Variants in NINJ2 observed in about 807,000 individuals in gnomAD.
The protein encoded by NINJ2 is ninjurin 2.
In NINJ2, 12 loss-of-function variants were observed where a neutral mutation model predicts 11.7. The ratio of observed to expected loss-of-function variants is 1.02; its 90% CI spans 0.66 to 1.66. The LOEUF (loss-of-function observed/expected upper bound fraction) is 1.66. NINJ2 is among the 40% of genes most tolerant of loss of function. NINJ2 has a pLI of 0.00. For synonymous variants in NINJ2, 93 were observed against 76.8 expected (o/e 1.21, Z -1.10); for missense variants, 187 against 181.8 (o/e 1.03, Z -0.16).
intron 1 of NINJ2, among the ~76,000 whole-genome samples, chr12:656,531 A>G (rs1052416638): frequency 2.0e-5 from 3 of 151,900 alleles, no homozygotes; most frequent in African/African-American, 7.3e-5. Flanking sequence ...CTGGTGGATC[A>G]CAAGTTCAGG....
In NINJ2 at chr12:633,574, G is replaced by C. The variant is rs1948308774; in HGVS notation, c.33+29754C>G. ...CCCATGCCCGTAATCCCAGCACTTT[G>C]GGAGGCTGAGGCAGGCAGATCACTT... On this transcript the variant is annotated intron_variant, in intron 1 of 3. Coordinates refer to ENST00000305108, the MANE Select transcript of NINJ2 (RefSeq NM_016533.6). The surrounding 1 kb of genome is among the most constrained non-coding windows in gnomAD (Gnocchi z 4.3). Among the ~76,000 whole-genome samples, 1 of 152,160 alleles carries C rather than the reference G, an allele frequency of 6.6e-6. No homozygotes were observed. Among genetic ancestry groups the C allele is most frequent in the South Asian group, 2.1e-4 (1 of 4,836 alleles).
intron 1 of NINJ2, among the ~76,000 whole-genome samples, chr12:638,130 G>A (rs1443328135): frequency 6.6e-6 from 1 of 152,216 alleles, no homozygotes; most frequent in Non-Finnish European, 1.5e-5. Flanking sequence ...CACATGCTAA[G>A]CCAGTTGCAG....
chr12:594,315 T>G (rs2120882604), intron 1 of NINJ2, among the ~76,000 whole-genome samples: 1 of 152,326 alleles, frequency 6.6e-6, no homozygotes, highest in Admixed American at 6.5e-5. Context: ...AATGAATAAG[T>G]GGAATCTGAA....
At position 663,438 on chromosome 12, in the gene NINJ2, G is replaced by A; in HGVS notation, c.-78C>T. 5 of 1,613,976 alleles carry A rather than the reference G, an allele frequency of 3.1e-6. No homozygotes were observed. The highest frequency in any genetic ancestry group is 4.2e-6 in the Non-Finnish European group (5 of 1,179,902). The stretch of plus-strand genomic sequence containing the variant: ...TGGGCTCCTCCAGGCTCCGCCGTCT[G>A]AGTCTCTGCTGCTTTCTTCGGGTGG... On this transcript the variant is annotated 5_prime_UTR_variant, in exon 1 of 4. Coordinates refer to ENST00000305108, the MANE Select transcript of NINJ2 (RefSeq NM_016533.6).
chr12:658,661 C>T (rs865998323), intron 1 of NINJ2, among the ~76,000 whole-genome samples: 1 of 8,396 alleles, frequency 1.2e-4, no homozygotes, highest in Non-Finnish European at 3.1e-4. Context: ...CTATGCTATG[C>T]TATGCTATGC....
intron 1 of NINJ2, among the ~76,000 whole-genome samples, chr12:584,420 C>T (rs896993612): frequency 2.0e-5 from 3 of 152,164 alleles, no homozygotes; most frequent in Admixed American, 2.0e-4. Flanking sequence ...CCTGTAATCC[C>T]AGCACTATGG....
intron 1 of NINJ2, among the ~76,000 whole-genome samples, chr12:619,287 A>G (rs1948127883): frequency 6.6e-6 from 1 of 152,216 alleles, no homozygotes; most frequent in Admixed American, 6.5e-5. Context: ...TGCTGGCAAT[A>G]TAAGATTCTC....
chr12:658,728 AATGC>A (rs1434151545), intron 1 of NINJ2, among the ~76,000 whole-genome samples: 2 of 141,046 alleles, frequency 1.4e-5, no homozygotes, highest in East Asian at 2.1e-4. Flanking sequence ...ATGCTATGCT[AATGC>A]TATGCTATGC....
At chr12:634,265 C>CTTTTTTTTTTT (rs67797144) in intron 1 of NINJ2, among the ~76,000 whole-genome samples, 7 of 59,526 alleles carry the variant, frequency 1.2e-4, no homozygotes, top group Admixed American at 3.0e-4. Flanking sequence ...AGTTGCAGTT[C>CTTTTTTTTTTT]TTTTTTTTTT....
At chr12:642,738 G>C (rs1230256581) in intron 1 of NINJ2, 2 of 152,356 alleles carry the variant, frequency 1.3e-5, no homozygotes, top group Admixed American at 1.3e-4. Flanking sequence ...GCCGGGAAAA[G>C]GTGAGGGCGG....
At chr12:651,683 A>AG (rs1184077604) in intron 1 of NINJ2, among the ~76,000 whole-genome samples, 9 of 152,124 alleles carry the variant, frequency 5.9e-5, no homozygotes, top group Admixed American at 1.3e-4. Context: ...TGAATATGCT[A>AG]GGGGTGCTAA....
At chr12:630,791 C>G (rs1055465693) in intron 1 of NINJ2, 4 of 152,532 alleles carry the variant, frequency 2.6e-5, no homozygotes, top group African/African-American at 7.2e-5. Context: ...GGGCGGCGGG[C>G]TCCCTCCGGA....
intron 1 of NINJ2, among the ~76,000 whole-genome samples, chr12:586,662 A>AG (rs1565625268): frequency 6.6e-6 from 1 of 152,236 alleles, no homozygotes; most frequent in African/African-American, 2.4e-5. Context: ...TTTACAAATC[A>AG]GGACACAGAA....
chr12:643,690 C>T, intron 1 of NINJ2: 2 of 988,074 alleles, frequency 2.0e-6, no homozygotes, highest in Non-Finnish European at 2.4e-6. Flanking sequence ...CCACGCCTCA[C>T]CGCAACGAGT....
intron 1 of NINJ2, among the ~76,000 whole-genome samples, chr12:597,279 G>A (rs976456618): frequency 4.6e-5 from 7 of 152,202 alleles, no homozygotes; most frequent in African/African-American, 1.4e-4. Flanking sequence ...GCATGAAAAT[G>A]ATAATGGCAC....
Position 601,542 on chromosome 12 carries a change from C to T in NINJ2, c.34-35364G>A, listed in dbSNP as rs1947872902. 3.5e-5 allele frequency among the ~76,000 whole-genome samples: 5 copies of T among 144,464 alleles called. No individual in the cohort carries two copies. The South Asian group carries it at 1.1e-3, about 32-fold the overall frequency. The allele number at this position is 144,464 out of a possible 152,430, so 94.8% of individuals were successfully genotyped here. On this transcript the variant is annotated intron_variant, in intron 1 of 3. Coordinates refer to ENST00000305108, the MANE Select transcript of NINJ2 (RefSeq NM_016533.6). The stretch of plus-strand genomic sequence containing the variant: ...CAGCCTGGGCCACAGAAGCAAGACT[C>T]CGTCTCAAAAAAAAAAAAAAATAAA...
At chr12:575,855 C>A (rs1284369001) in intron 1 of NINJ2, among the ~76,000 whole-genome samples, 3 of 152,202 alleles carry the variant, frequency 2.0e-5, no homozygotes, top group Non-Finnish European at 4.4e-5. Flanking sequence ...ACCCCCACTG[C>A]AGGGAGAGCC....
intron 1 of NINJ2, among the ~76,000 whole-genome samples, chr12:612,075 T>C (rs1409680517): frequency 4.6e-5 from 7 of 152,274 alleles, no homozygotes; most frequent in African/African-American, 1.7e-4. Context: ...CAGGCTGGAA[T>C]GTGGAGATTG....
intron 1 of NINJ2, chr12:589,524 T>C (rs1370942672): frequency 6.6e-6 from 1 of 152,240 alleles, no homozygotes; most frequent in Non-Finnish European, 1.5e-5. Context: ...TGTTTTCTCA[T>C]GGGAGTTTGG....
Sources: gnomAD v4.1 joint callset for allele counts (sites outside exome capture counted in the v4.1 genomes callset) on GRCh38, gnomAD v4.1.1 for gene constraint, Gnocchi (gnomAD v3.1) non-coding constraint, MANE v1.5 for transcripts, NCBI Gene and HGNC (gene_info 2026-07-23, HGNC 2026-07-21) for gene names.